PARM1: variants seen among roughly 807,000 people sequenced by gnomAD.
PARM1 encodes the protein WSC4, cell wall integrity and stress response component 4 homolog.
A neutral mutation model predicts 24.6 loss-of-function variants in PARM1; 14 were observed. That is an observed-to-expected ratio of 0.57 (90% CI 0.38 to 0.89). The LOEUF is 0.89. PARM1 is among the 40% of genes least tolerant of loss of function. PARM1 has a pLI of 0.00. For synonymous variants in PARM1, 179 were observed against 156.6 expected, an observed-to-expected ratio of 1.14 and a Z score of -1.07; for missense variants, 362 against 380.4, an observed-to-expected ratio of 0.95 and a Z score of 0.40.
chr4:74,954,196 C>T (rs1175259004), intron 1 of PARM1, among the ~76,000 whole-genome samples: 1 of 152,152 alleles, frequency 6.6e-6, no homozygotes, highest in Non-Finnish European at 1.5e-5. Flanking sequence ...TATGAAGGGA[C>T]AGGAATTTAG....
At chr4:75,031,231 G>A (rs531966179) in intron 2 of PARM1, among the ~76,000 whole-genome samples, 4 of 152,274 alleles carry the variant, frequency 2.6e-5, no homozygotes, top group Non-Finnish European at 4.4e-5. Context: ...AAGAGCCAGT[G>A]GGTAACAGAA....
rs1723612688 is a variant in PARM1, at chr4:75,046,806, T to A, written c.*559T>A. 1 of 152,446 alleles carries A rather than the reference T, an allele frequency of 6.6e-6. No individual in the cohort carries two copies. The highest frequency in any genetic ancestry group is 6.5e-5 in the Admixed American group (1 of 15,308). 9.4% of individuals were successfully genotyped at this position (152,446 alleles called of 1,614,324 possible). On this transcript the variant is annotated 3_prime_UTR_variant, in exon 4 of 4. Transcript: ENST00000307428. ...CTCTACAAGCTGGAAAGCAGCTTCT[T>A]AGCTGCCTAATTAATGAAAGATGAA...
rs1465804596 is a variant in PARM1, at chr4:74,959,481, TC to T, written c.43+26112del. On this transcript the variant is annotated intron_variant, in intron 1 of 3. Coordinates refer to ENST00000307428, the MANE Select transcript of PARM1 (RefSeq NM_015393.4). ...TTCCACTCAGCCACCTTTCCTCCCC[TC>T]ACCATGCTTATTTCTACTTCTTGTT... 1.5e-4 allele frequency among the ~76,000 whole-genome samples: 23 copies of T among 152,192 alleles called. 1 individual carries two copies. Among genetic ancestry groups the T allele is most frequent in the Non-Finnish European group, 8.8e-5 (6 of 68,020 alleles).
intron 1 of PARM1, chr4:74,969,982 T>A (rs1204817590): frequency 1.3e-5 from 2 of 152,204 alleles, no homozygotes; most frequent in African/African-American, 4.8e-5. Flanking sequence ...TTTGTTATTG[T>A]CTAAGTCACT....
intron 1 of PARM1, among the ~76,000 whole-genome samples, chr4:75,000,778 G>T (rs532613731): frequency 6.6e-6 from 1 of 152,304 alleles, no homozygotes; most frequent in South Asian, 2.1e-4. Flanking sequence ...GCCTTAGATG[G>T]ATTATTTATT....
rs1279425644 is a variant in PARM1 at position 75,049,410 on chromosome 4, G to A, written c.*3163G>A. 2 of 152,204 alleles carry A rather than the reference G, an allele frequency of 1.3e-5. No homozygotes were observed. The highest frequency in any genetic ancestry group is 1.3e-4 in the Admixed American group (2 of 15,278). 9.4% of individuals were successfully genotyped at this position (152,204 alleles called of 1,614,324 possible). A position where few individuals can be genotyped will look rare whatever the true frequency, so the allele number is the denominator to read the frequency against. The stretch of plus-strand genomic sequence containing the variant: ...AAGTGATCTCAGTTTCTTGTTTGCT[G>A]TGATACTAATGTGTTGTTTTAACTT... On this transcript the variant is annotated 3_prime_UTR_variant, in exon 4 of 4. Transcript: ENST00000307428.
intron 1 of PARM1, among the ~76,000 whole-genome samples, chr4:74,980,459 A>T (rs1722227159): frequency 6.6e-6 from 1 of 152,144 alleles, no homozygotes; most frequent in Admixed American, 6.6e-5. Context: ...TCTCAAGGAA[A>T]TTAGGACACA....
intron 1 of PARM1, among the ~76,000 whole-genome samples, chr4:75,005,244 C>G (rs2046434212): frequency 6.6e-6 from 1 of 152,184 alleles, no homozygotes. Flanking sequence ...GACTTGGCAG[C>G]AGCAGGAAAG....
chr4:75,016,913 A>C lies in PARM1; in HGVS notation c.769+3763A>C, dbSNP rs1722998697. The stretch of plus-strand genomic sequence containing the variant: ...GACATGTATAGCCAGCTGTCAGCCA[A>C]TTCATCATCTCCACTGGGTGGCTCA... On this transcript the variant is annotated intron_variant, in intron 2 of 3. Coordinates refer to ENST00000307428, the MANE Select transcript of PARM1 (RefSeq NM_015393.4). Among the ~76,000 whole-genome samples the C allele has an allele frequency of 1.3e-5, 2 of 152,118 alleles. 1 individual carries two copies. The highest frequency in any genetic ancestry group is 4.1e-4 in the South Asian group (2 of 4,828).
chr4:74,964,301 T>G (rs1365814725), intron 1 of PARM1, among the ~76,000 whole-genome samples: 1 of 152,198 alleles, frequency 6.6e-6, no homozygotes, highest in Non-Finnish European at 1.5e-5. Flanking sequence ...ATCTTAAACT[T>G]GGTTTTAGCC....
Position 75,012,760 on chromosome 4 carries a change from T to A in PARM1, c.379T>A (p.Ser127Thr). ...AACAACCACGTTGGAGGAACACAGC[T>A]CGGGCACTCCTGAAGCAGGCGTGGC... ...HLTTTLEEHS[S>T]GTPEAGVAAT... The change falls in exon 2 of 4, where the codon TCG becomes ACG. Residue 127 changes from serine (S) to threonine (T), a missense_variant. Transcript: ENST00000307428. The A allele has an allele frequency of 1.9e-6, 3 of 1,613,958 alleles. No individual in the cohort carries two copies. The highest frequency in any genetic ancestry group is 1.1e-5 in the South Asian group (1 of 91,074).
At chr4:74,973,913 G>A (rs1722091047) in intron 1 of PARM1, among the ~76,000 whole-genome samples, 1 of 152,078 alleles carries the variant, frequency 6.6e-6, no homozygotes, top group South Asian at 2.1e-4. Flanking sequence ...GAAAGAGAGA[G>A]AGATTTATTG....
chr4:74,960,748 C>A (rs537905967), intron 1 of PARM1, among the ~76,000 whole-genome samples: 19 of 152,104 alleles, frequency 1.2e-4, no homozygotes, highest in East Asian at 7.7e-4. Context: ...CTTAAAGGTG[C>A]TCAAAGACAC....
intron 1 of PARM1, among the ~76,000 whole-genome samples, chr4:74,957,691 G>T (rs1187103097): frequency 6.6e-6 from 1 of 152,144 alleles, no homozygotes; most frequent in Non-Finnish European, 1.5e-5. Flanking sequence ...TTTGTCTAGA[G>T]TAGAGAGCTG....
At chr4:75,016,622 G>A (rs1238564575) in intron 2 of PARM1, among the ~76,000 whole-genome samples, 1 of 152,102 alleles carries the variant, frequency 6.6e-6, no homozygotes, top group East Asian at 1.9e-4. Context: ...TGCCAGCAGT[G>A]TCTGACTCAG....
chr4:74,939,671 G>A (rs1721261661), intron 1 of PARM1, among the ~76,000 whole-genome samples: 1 of 152,048 alleles, frequency 6.6e-6, no homozygotes, highest in African/African-American at 2.4e-5. Flanking sequence ...GGAAGCTGTG[G>A]CTATATAGAG....
intron 1 of PARM1, among the ~76,000 whole-genome samples, chr4:74,987,559 G>A (rs944064310): frequency 6.6e-6 from 1 of 152,096 alleles, no homozygotes; most frequent in Admixed American, 6.5e-5. Context: ...ATAACATACT[G>A]AATATTTATT....
chr4:74,985,734 C>T (rs1722341903), intron 1 of PARM1, among the ~76,000 whole-genome samples: 1 of 152,078 alleles, frequency 6.6e-6, no homozygotes, highest in South Asian at 2.1e-4. Flanking sequence ...AATTATGTAT[C>T]TGAGAGAATA....
Position 75,036,720 on chromosome 4 carries a change from T to C in PARM1, c.848+2759T>C, listed in dbSNP as rs115823141. 4.7e-3 allele frequency among the ~76,000 whole-genome samples: 711 copies of C among 152,346 alleles called. 5 individuals carry two copies. Among genetic ancestry groups the C allele is most frequent in the African/African-American group, 0.016 (661 of 41,570 alleles). ...CTGATGAGTGCTGATTAAAATTTTA[T>C]TTTAAGCTATATTTTCCCCAGGCGT... On this transcript the variant is annotated intron_variant, in intron 3 of 3. Transcript: ENST00000307428.
Sources: allele counts gnomAD v4.1 joint callset (sites outside exome capture counted in the v4.1 genomes callset), GRCh38; gene constraint gnomAD v4.1.1; transcripts MANE v1.5; gene names NCBI Gene and HGNC (gene_info 2026-07-23, HGNC 2026-07-21).